DEAF1: variants seen among roughly 807,000 people sequenced by gnomAD.
The protein encoded by DEAF1 is DEAF1 transcription factor.
DEAF1 carries 53 observed loss-of-function variants against 58.9 expected under a neutral mutation model. The ratio of observed to expected loss-of-function variants is 0.90; its 90% CI spans 0.72 to 1.13. The LOEUF (loss-of-function observed/expected upper bound fraction) is 1.13, where lower values mean the gene tolerates loss of function less well. DEAF1 is among the 50% of genes most tolerant of loss of function. The pLI is 0.00. For missense variants in DEAF1, 685 were observed against 791.4 expected, an observed-to-expected ratio of 0.87 and a Z score of 1.61; for synonymous variants, 385 against 340.4, an observed-to-expected ratio of 1.13 and a Z score of -1.44.
upstream of DEAF1, among the ~76,000 whole-genome samples, chr11:696,432 G>A (rs1470052996): frequency 1.3e-5 from 2 of 152,196 alleles, no homozygotes; most frequent in Admixed American, 1.3e-4. Flanking sequence ...CTACTCCATA[G>A]GCAGGACAGC....
Position 654,052 on chromosome 11 carries a change from C to A in DEAF1, c.1504-1G>T. ...CCCGGCCGCAGTTAACGCAGGACTGCTGCAAGAAGGACACAACAGGCCAGT... is the reference window on the plus strand; with the variant it reads ...CCCGGCCGCAGTTAACGCAGGACTGATGCAAGAAGGACACAACAGGCCAGT... On this transcript the variant is annotated splice_acceptor_variant, in intron 10 of 11. Coordinates refer to ENST00000382409, the MANE Select transcript of DEAF1 (RefSeq NM_021008.4). LOFTEE classifies it high-confidence loss of function. 6.2e-7 allele frequency: 1 copy of A among 1,612,820 alleles called. No homozygotes were observed. The highest frequency in any genetic ancestry group is 8.5e-7 in the Non-Finnish European group (1 of 1,179,758).
intron 10 of DEAF1, among the ~76,000 whole-genome samples, chr11:658,131 A>T (rs1236360290): frequency 6.6e-6 from 1 of 152,144 alleles, no homozygotes. Context: ...TTTATTTTTT[A>T]AAATAACCAT....
intron 11 of DEAF1, among the ~76,000 whole-genome samples, chr11:645,132 C>T (rs142228437): frequency 0.013 from 1,775 of 139,402 alleles, 41 homozygotes; most frequent in African/African-American, 0.045. Context: ...CACTGCACTC[C>T]AGCCCGGGTG....
intron 10 of DEAF1, among the ~76,000 whole-genome samples, chr11:654,256 C>T (rs1463104019): frequency 6.8e-6 from 1 of 148,020 alleles, no homozygotes; most frequent in African/African-American, 2.6e-5. Context: ...GCAACTTCCG[C>T]CTCCTGGGTT....
intron 10 of DEAF1, among the ~76,000 whole-genome samples, chr11:656,032 C>A (rs1859038466): frequency 6.6e-6 from 1 of 152,072 alleles, no homozygotes; most frequent in African/African-American, 2.4e-5. Flanking sequence ...TGGGGTTTCA[C>A]CATATTGGTC....
chr11:685,933 C>T (rs1289274405), intron 5 of DEAF1, among the ~76,000 whole-genome samples: 5 of 151,242 alleles, frequency 3.3e-5, no homozygotes, highest in East Asian at 1.9e-4. Flanking sequence ...CACTTGAGGT[C>T]GGGAGTTCGA....
At chr11:670,777 G>T (rs71454003) in intron 10 of DEAF1, among the ~76,000 whole-genome samples, 2,913 of 18,676 alleles carry the variant, frequency 0.16, 81 homozygotes, top group African/African-American at 0.28. Flanking sequence ...TTTTGTTTTT[G>T]TTTTTTTTTT....
At chr11:646,887 A>G (rs1227825128) in intron 11 of DEAF1, among the ~76,000 whole-genome samples, 1 of 152,244 alleles carries the variant, frequency 6.6e-6, no homozygotes, top group African/African-American at 2.4e-5. Context: ...AGAAAAGCCA[A>G]CATCACAGAC....
At chr11:682,373 C>T (rs118067545) in intron 6 of DEAF1, among the ~76,000 whole-genome samples, 2,355 of 152,322 alleles carry the variant, frequency 0.015, 27 homozygotes, top group Middle Eastern at 0.027. Context: ...TGGCTTTCCT[C>T]GCCTCTCTGG....
chr11:698,665 G>A (rs1429940149), upstream of DEAF1, among the ~76,000 whole-genome samples: 1 of 152,126 alleles, frequency 6.6e-6, no homozygotes, highest in Non-Finnish European at 1.5e-5. Flanking sequence ...GTTCTGAAAG[G>A]CAGAGACTCC....
chr11:686,551 C>T lies in DEAF1; in HGVS notation c.804+307G>A, dbSNP rs1860601287. The stretch of plus-strand genomic sequence containing the variant: ...ACAGAAGCGATTATCTTAACTTCTA[C>T]TGTTTTCATTTTTTGTGTATTTGAC... On this transcript the variant is annotated intron_variant, in intron 5 of 11. Coordinates refer to ENST00000382409, the MANE Select transcript of DEAF1 (RefSeq NM_021008.4). Among the ~76,000 whole-genome samples the T allele has an allele frequency of 2.6e-5, 4 of 152,216 alleles. No individual in the cohort carries two copies. In the South Asian group the frequency reaches 8.3e-4, roughly 31 times the overall value.
In DEAF1 at chr11:688,139, G is replaced by A. The variant is rs1044410738; in HGVS notation, c.518-82C>T. ...CTCTCATCTCAGACACCACCTCCCC[G>A]GCAGCGCCACCTCCTTCAACGGCGG... On this transcript the variant is annotated intron_variant, in intron 3 of 11. Transcript: ENST00000382409. The surrounding 1 kb of genome is among the most constrained non-coding windows in gnomAD (Gnocchi z 4.3). 23 of 1,590,288 alleles carry A rather than the reference G, an allele frequency of 1.4e-5. No homozygotes were observed. Among genetic ancestry groups the A allele is most frequent in the Admixed American group, 3.4e-5 (2 of 58,404 alleles).
At position 680,942 on chromosome 11, in the gene DEAF1, G is replaced by A. The variant is rs776700247; in HGVS notation, c.997+21C>T. ...ACTCAGGTCCCCTCAGTAAACTAGAGCTGTGTTTTCTCAAACTCACAGGTG... is the reference window on the plus strand; with the variant it reads ...ACTCAGGTCCCCTCAGTAAACTAGAACTGTGTTTTCTCAAACTCACAGGTG... On this transcript the variant is annotated intron_variant, in intron 7 of 11. Coordinates refer to ENST00000382409, the MANE Select transcript of DEAF1 (RefSeq NM_021008.4). 4.3e-6 allele frequency: 7 copies of A among 1,614,132 alleles called. No individual in the cohort carries two copies. In the East Asian group the frequency reaches 1.1e-4, roughly 26 times the overall value.
At chr11:684,782 C>G in intron 6 of DEAF1, 116 bp downstream of exon 6, 1 of 874,132 alleles carries the variant, frequency 1.1e-6, no homozygotes, top group African/African-American at 1.7e-5. Flanking sequence ...AGGACAGTGT[C>G]TCTCTCCAAG....
Position 644,759 on chromosome 11 carries a change from C to A in DEAF1, c.1594-105G>T. The A allele has an allele frequency of 1.1e-6, 1 of 882,202 alleles. No individual in the cohort carries two copies. The allele number at this position is 882,202 out of a possible 1,614,324, so 54.6% of individuals were successfully genotyped here. On this transcript the variant is annotated intron_variant, in intron 11 of 11. Transcript: ENST00000382409. This position sits in a 1 kb window ranked among gnomAD's most constrained non-coding sequence, Gnocchi z 4.3. ...GAGGGTGCAGCCCTCTGTAACCTCA[C>A]CTGGAGGTGCTGAGAATGCCCTCCC...
chr11:704,708 G>C, intron 1 of DEAF1: 1 of 1,229,276 alleles, frequency 8.1e-7, no homozygotes, highest in Non-Finnish European at 1.1e-6. Context: ...GTTCCACAGG[G>C]AACGCCATGG....
At chr11:667,903 G>A (rs978591202) in intron 10 of DEAF1, among the ~76,000 whole-genome samples, 7 of 152,126 alleles carry the variant, frequency 4.6e-5, no homozygotes, top group Non-Finnish European at 8.8e-5. Flanking sequence ...CTTGAGCCCA[G>A]GAGTTCAACA....
At position 678,577 on chromosome 11, in the gene DEAF1, G is replaced by A. The variant is rs1037973764; in HGVS notation, c.1255+117C>T. The A allele has an allele frequency of 8.3e-6, 12 of 1,441,886 alleles. No individual in the cohort carries two copies. The African/African-American group carries it at 1.4e-4, about 17-fold the overall frequency. 89.3% of individuals were successfully genotyped at this position (1,441,886 alleles called of 1,614,324 possible). ...ACACTTTACCAGCCACTGATCTAAT[G>A]CATCAACAAAAACAACAAACCAAAC... On this transcript the variant is annotated intron_variant, in intron 9 of 11. Coordinates refer to ENST00000382409, the MANE Select transcript of DEAF1 (RefSeq NM_021008.4).
Position 688,234 on chromosome 11 carries a change from T to A in DEAF1, c.517+97A>T. 1 of 1,544,108 alleles carries A rather than the reference T, an allele frequency of 6.5e-7. No homozygotes were observed. The highest frequency in any genetic ancestry group is 8.8e-7 in the Non-Finnish European group (1 of 1,141,368). On this transcript the variant is annotated intron_variant, in intron 3 of 11. Coordinates refer to ENST00000382409, the MANE Select transcript of DEAF1 (RefSeq NM_021008.4). The surrounding 1 kb of genome is among the most constrained non-coding windows in gnomAD (Gnocchi z 4.3). ...CTATTAATAGATGATATTCCAAATTTACCACAAAAAGAAACAAGTAAATAA... is the reference window on the plus strand; with the variant it reads ...CTATTAATAGATGATATTCCAAATTAACCACAAAAAGAAACAAGTAAATAA...
Sources: gnomAD v4.1 joint callset for allele counts (sites outside exome capture counted in the v4.1 genomes callset) on GRCh38, gnomAD v4.1.1 for gene constraint, Gnocchi (gnomAD v3.1) non-coding constraint, MANE v1.5 for transcripts, NCBI Gene and HGNC (gene_info 2026-07-23, HGNC 2026-07-21) for gene names.